HTRA1: variants seen among roughly 807,000 people sequenced by gnomAD.
The protein encoded by HTRA1 is HtrA serine peptidase 1.
In HTRA1, 26 loss-of-function variants were observed where a neutral mutation model predicts 49.7. The observed-to-expected ratio is 0.52, with a 90% CI of 0.38 to 0.73. The LOEUF is 0.73. Among genes scored for constraint, HTRA1 ranks in the 30% least tolerant of loss-of-function variants. The pLI, the probability that HTRA1 is intolerant of heterozygous loss-of-function variation, is 0.00. For missense variants in HTRA1, 561 were observed against 667.2 expected, an observed-to-expected ratio of 0.84 and a Z score of 1.75; for synonymous variants, 291 against 286.9, an observed-to-expected ratio of 1.01 and a Z score of -0.14.
chr10:122,510,958 G>A (rs1005621440), intron 7 of HTRA1, among the ~76,000 whole-genome samples: 2 of 152,204 alleles, frequency 1.3e-5, no homozygotes, highest in African/African-American at 4.8e-5. Flanking sequence ...CCCCTCAGTT[G>A]TTTGCCTTTG....
chr10:122,463,355 TAG>T (rs138867864), intron 1 of HTRA1, among the ~76,000 whole-genome samples: 14,044 of 152,180 alleles, frequency 0.092, 845 homozygotes, highest in Middle Eastern at 0.21. Context: ...AGTCAGGCAG[TAG>T]AGAGTTGTCC....
chr10:122,509,341 C>G (rs1354401719), intron 6 of HTRA1, among the ~76,000 whole-genome samples: 1 of 152,114 alleles, frequency 6.6e-6, no homozygotes, highest in African/African-American at 2.4e-5. Flanking sequence ...GTCAAGGGAG[C>G]GACTGGAGGG....
Position 122,494,977 on chromosome 10 carries a change from G to A in HTRA1, c.777+5351G>A, listed in dbSNP as rs1291572569. On this transcript the variant is annotated intron_variant, in intron 3 of 8. Transcript: ENST00000368984. This position sits in a 1 kb window ranked among gnomAD's most constrained non-coding sequence, Gnocchi z 4.0. ...AGTGAGGGGGTTCAGGCAGCCCCCC[G>A]GGACATGGCAGTGGCGGGGAGTGGA... is the stretch of plus-strand genomic sequence containing the variant. Among the ~76,000 whole-genome samples the A allele has an allele frequency of 1.3e-5, 2 of 152,090 alleles. No individual in the cohort carries two copies. The highest frequency in any genetic ancestry group is 1.9e-4 in the East Asian group (1 of 5,180).
intron 3 of HTRA1, 44 bp downstream of exon 3, chr10:122,489,670 G>A (rs374326781): frequency 3.6e-5 from 57 of 1,569,592 alleles, no homozygotes; most frequent in Non-Finnish European, 4.4e-5. Flanking sequence ...CAGATGCCCC[G>A]GAACACCCTT....
At chr10:122,500,864 C>T (rs1226017483) in intron 3 of HTRA1, among the ~76,000 whole-genome samples, 1 of 152,200 alleles carries the variant, frequency 6.6e-6, no homozygotes, top group Non-Finnish European at 1.5e-5. Flanking sequence ...CCTCCCCTCC[C>T]TTCCCGTGGT....
chr10:122,489,438 C>G lies in HTRA1; in HGVS notation c.589C>G (p.Arg197Gly). The G allele has an allele frequency of 6.2e-7, 1 of 1,614,116 alleles. No homozygotes were observed. The highest frequency in any genetic ancestry group is 1.1e-5 in the South Asian group (1 of 91,082). Residue 197 changes from arginine (R) to glycine (G), a missense_variant, in exon 3 of 9, where the codon CGA becomes GGA. Transcript: ENST00000368984. ...GGATTTTAGGCTTCCGTTTTCTAAA[C>G]GAGAGGTGCCGGTGGCTAGTGGGTC... ...ELFRKLPFSK[R>G]EVPVASGSGF...
At chr10:122,478,339 T>G (rs1331976650) in intron 1 of HTRA1, among the ~76,000 whole-genome samples, 6 of 149,814 alleles carry the variant, frequency 4.0e-5, no homozygotes, top group African/African-American at 1.5e-4. Flanking sequence ...TCCCTGCAGG[T>G]GGGGGACTGT....
chr10:122,499,143 G>T (rs1222384699), intron 3 of HTRA1, among the ~76,000 whole-genome samples: 1 of 152,126 alleles, frequency 6.6e-6, no homozygotes, highest in Non-Finnish European at 1.5e-5. Context: ...CACAGAAGCG[G>T]CAGTGTCCTT....
chr10:122,475,995 G>A (rs1267224079), intron 1 of HTRA1, among the ~76,000 whole-genome samples: 1 of 152,170 alleles, frequency 6.6e-6, no homozygotes, highest in Admixed American at 6.5e-5. Context: ...AGTGTTGTGG[G>A]GCAGCTTTGC....
At chr10:122,511,305 A>T (rs1022726484) in intron 7 of HTRA1, among the ~76,000 whole-genome samples, 1 of 152,188 alleles carries the variant, frequency 6.6e-6, no homozygotes, top group African/African-American at 2.4e-5. Flanking sequence ...AGGTGAGGAA[A>T]TGAAGGCACA....
Position 122,511,979 on chromosome 10 carries a change from A to G in HTRA1, c.1188A>G (p.Lys396=). ...RMMSLTSSKA[K]ELKDRHRDFP... ...TTTTTCTCTGGAGCAGCAAAGCCAAAGAGCTGAAGGACCGGCACCGGGACT... is the reference window on the plus strand; with the variant it reads ...TTTTTCTCTGGAGCAGCAAAGCCAAGGAGCTGAAGGACCGGCACCGGGACT... The change falls in exon 8 of 9, where the codon AAA becomes AAG. Residue 396 remains lysine (K), a synonymous_variant. Transcript: ENST00000368984. 2 of 1,613,848 alleles carry G rather than the reference A, an allele frequency of 1.2e-6. No homozygotes were observed. Among genetic ancestry groups the G allele is most frequent in the Non-Finnish European group, 1.7e-6 (2 of 1,179,834 alleles).
At chr10:122,480,053 G>A (rs2097490296) in intron 1 of HTRA1, among the ~76,000 whole-genome samples, 1 of 152,116 alleles carries the variant, frequency 6.6e-6, no homozygotes. Context: ...GATATTTAGT[G>A]CTTTATGTGC....
chr10:122,477,565 T>A (rs1415370473), intron 1 of HTRA1, among the ~76,000 whole-genome samples: 1 of 152,190 alleles, frequency 6.6e-6, no homozygotes, highest in Non-Finnish European at 1.5e-5. Context: ...TTATTCCAAG[T>A]TCTCCTGACA....
chr10:122,497,200 T>C (rs145521932), intron 3 of HTRA1, among the ~76,000 whole-genome samples: 1 of 152,338 alleles, frequency 6.6e-6, no homozygotes, highest in Non-Finnish European at 1.5e-5. Context: ...ATGTGACTCA[T>C]GGTATTTCCT....
At position 122,514,310 on chromosome 10, in the gene HTRA1, G is replaced by T; in HGVS notation, c.1394G>T (p.Gly465Val). 6.2e-7 allele frequency: 1 copy of T among 1,614,142 alleles called. No homozygotes were observed. Among genetic ancestry groups the T allele is most frequent in the Non-Finnish European group, 8.5e-7 (1 of 1,180,010 alleles). ...ESTLNMVVRR[G>V]NEDIMITVIP... is the part of the protein sequence containing the mutation. ...ACCCTGAACATGGTGGTCCGCAGGG[G>T]TAATGAAGATATCATGATCACAGTG... The change falls in exon 9 of 9, where the codon GGT becomes GTT. Residue 465 changes from glycine (G) to valine (V), a missense_variant. Physicochemically the swap from Gly to Val is moderately radical, Grantham distance 109 (BLOSUM62 -3). Around this residue, in one of 3 missense-constraint regions of HTRA1, gnomAD observed 179 missense variants for 173.4 expected, o/e 1.03. Coordinates refer to ENST00000368984, the MANE Select transcript of HTRA1 (RefSeq NM_002775.5).
Position 122,514,356 on chromosome 10 carries a change from A to G in HTRA1, c.1440A>G (p.Pro480=), listed in dbSNP as rs767368971. The G allele has an allele frequency of 4.3e-6, 7 of 1,613,922 alleles. No homozygotes were observed. The highest frequency in any genetic ancestry group is 5.9e-6 in the Non-Finnish European group (7 of 1,179,922). ...MITVIPEEID[P] Reference sequence around the variant, plus strand: ...CAGTGATTCCCGAAGAAATTGACCCATAGGCAGAGGCATGAGCTGGACTTC... The same window carrying G: ...CAGTGATTCCCGAAGAAATTGACCCGTAGGCAGAGGCATGAGCTGGACTTC... Residue 480 remains proline, a synonymous_variant, in exon 9 of 9, where the codon CCA becomes CCG. Transcript: ENST00000368984.
At chr10:122,474,484 G>T (rs1057419624) in intron 1 of HTRA1, among the ~76,000 whole-genome samples, 1 of 152,150 alleles carries the variant, frequency 6.6e-6, no homozygotes, top group African/African-American at 2.4e-5. Context: ...TCCTGCACCA[G>T]GGGGGCAGAC....
intron 3 of HTRA1, 52 bp downstream of exon 3, chr10:122,489,678 C>A (rs1284141209): frequency 6.5e-7 from 1 of 1,532,782 alleles, no homozygotes; most frequent in East Asian, 2.3e-5. Flanking sequence ...CCGGAACACC[C>A]TTGGCAAAGG....
rs1467702851 is a variant in HTRA1, at chr10:122,487,881, C to T, written c.473-1021C>T. Among the ~76,000 whole-genome samples, 1 of 152,168 alleles carries T rather than the reference C, an allele frequency of 6.6e-6. No individual in the cohort carries two copies. Among genetic ancestry groups the T allele is most frequent in the African/African-American group, 2.4e-5 (1 of 41,442 alleles). On this transcript the variant is annotated intron_variant, in intron 1 of 8. Coordinates refer to ENST00000368984, the MANE Select transcript of HTRA1 (RefSeq NM_002775.5). The surrounding 1 kb of genome is among the most constrained non-coding windows in gnomAD (Gnocchi z 4.8). ...CAATGGTGTTATGGTCCGCGGCTGGCTGAAACGTTATGTGGTGCATGACTG... is the reference window on the plus strand; with the variant it reads ...CAATGGTGTTATGGTCCGCGGCTGGTTGAAACGTTATGTGGTGCATGACTG...
Sources: gnomAD v4.1 joint callset for allele counts (sites outside exome capture counted in the v4.1 genomes callset) on GRCh38, gnomAD v4.1.1 for gene constraint, gnomAD v4.1.1 regional missense constraint, Gnocchi (gnomAD v3.1) non-coding constraint, MANE v1.5 for transcripts, NCBI Gene and HGNC (gene_info 2026-07-23, HGNC 2026-07-21) for gene names.